SGCD: variants seen among roughly 807,000 people sequenced by gnomAD.
SGCD encodes sarcoglycan delta, also known as delta-sarcoglycan.
In SGCD, 18 loss-of-function variants were observed where a neutral mutation model predicts 36.6. That is an observed-to-expected ratio of 0.49 (90% CI 0.34 to 0.73). The LOEUF (loss-of-function observed/expected upper bound fraction) is 0.73, where lower values mean the gene tolerates loss of function less well. Among genes scored for constraint, SGCD ranks in the 30% least tolerant of loss-of-function variants. The pLI, the probability that SGCD is intolerant of heterozygous loss-of-function variation, is 0.01. For synonymous variants in SGCD, 133 were observed against 130.6 expected (o/e 1.02, Z -0.12); for missense variants, 387 against 346.7 (o/e 1.12, Z -0.92).
Position 156,242,057 on chromosome 5 carries a change from A to T in SGCD, c.-43-87477A>T, listed in dbSNP as rs538610122. Among the ~76,000 whole-genome samples the T allele has an allele frequency of 1.7e-4, 26 of 152,342 alleles. No homozygotes were observed. The South Asian group carries it at 3.5e-3, about 21-fold the overall frequency. ...GGGGGTTCATACAAAAATCCTACTT[A>T]CGAATGTTTATAACAGTTTTGTTCA... On this transcript the variant is annotated intron_variant, in intron 3 of 9. Coordinates refer to the SGCD transcript ENST00000517913.
chr5:155,967,903 G>A (rs1010481090), intron 1 of SGCD, among the ~76,000 whole-genome samples: 3 of 151,818 alleles, frequency 2.0e-5, no homozygotes, highest in Non-Finnish European at 4.4e-5. Flanking sequence ...GAACATCGTC[G>A]GGAGTGATTT....
intron 1 of SGCD, among the ~76,000 whole-genome samples, chr5:155,919,588 T>C (rs1756828787): frequency 1.3e-5 from 2 of 152,210 alleles, no homozygotes; most frequent in Admixed American, 1.3e-4. Flanking sequence ...CGGCTATATT[T>C]TAAAACCTTG....
intron 3 of SGCD, among the ~76,000 whole-genome samples, chr5:156,196,632 G>A (rs1764030778): frequency 6.6e-6 from 1 of 152,212 alleles, no homozygotes; most frequent in Admixed American, 6.5e-5. Flanking sequence ...AGTTGGAGAT[G>A]TGTCTTTGTC....
At position 156,155,735 on chromosome 5, in the gene SGCD, G is replaced by A. The variant is rs1005529791; in HGVS notation, c.-44+31716G>A. On this transcript the variant is annotated intron_variant, in intron 3 of 9. Transcript: ENST00000517913. ...AGCTGATAGAGCCAAGTAGCCCTCC[G>A]TCTTCACAAGATGGAGCTTGTCGAA... Among the ~76,000 whole-genome samples the A allele has an allele frequency of 1.2e-4, 18 of 151,420 alleles. 1 individual carries two copies. Among genetic ancestry groups the A allele is most frequent in the African/African-American group, 3.7e-4 (15 of 40,820 alleles).
At chr5:156,590,406 CG>C (rs1760681316) in intron 5 of SGCD, among the ~76,000 whole-genome samples, 1 of 152,048 alleles carries the variant, frequency 6.6e-6, no homozygotes, top group South Asian at 2.1e-4. Context: ...AACTGCTGCC[CG>C]GCAGAGCCCA....
At chr5:155,869,151 G>A (rs1313924700), upstream of SGCD, among the ~76,000 whole-genome samples, 1 of 152,062 alleles carries the variant, frequency 6.6e-6, no homozygotes, top group African/African-American at 2.4e-5. Flanking sequence ...CAAGGGATCA[G>A]CCATTTAATA....
chr5:156,718,553 G>A (rs1755330250), intron 7 of SGCD, among the ~76,000 whole-genome samples: 1 of 152,048 alleles, frequency 6.6e-6, no homozygotes, highest in Non-Finnish European at 1.5e-5. Context: ...GCCGAGGTGG[G>A]TGGATCACTG....
intron 3 of SGCD, among the ~76,000 whole-genome samples, chr5:156,430,026 A>C (rs1234296136): frequency 6.6e-6 from 1 of 152,094 alleles, no homozygotes; most frequent in Admixed American, 6.5e-5. Flanking sequence ...TTTTGTGATG[A>C]ATTTCCCAAG....
At chr5:156,174,682 G>A (rs1346188153) in intron 3 of SGCD, among the ~76,000 whole-genome samples, 1 of 151,778 alleles carries the variant, frequency 6.6e-6, no homozygotes, top group African/African-American at 2.4e-5. Context: ...ATAAAGTGAG[G>A]GCAATGAGAA....
At chr5:155,944,440 A>G (rs973289165) in intron 1 of SGCD, among the ~76,000 whole-genome samples, 9 of 152,122 alleles carry the variant, frequency 5.9e-5, no homozygotes, top group Non-Finnish European at 1.3e-4. Context: ...CTCAAATTGC[A>G]CTGTTCTCTA....
At chr5:156,545,504 A>G (rs943451384) in intron 4 of SGCD, among the ~76,000 whole-genome samples, 2 of 151,990 alleles carry the variant, frequency 1.3e-5, no homozygotes, top group Non-Finnish European at 2.9e-5. Flanking sequence ...GTAGTTGGGG[A>G]TGGTTTCAGA....
At chr5:156,502,220 G>A (rs1190171110) in intron 3 of SGCD, among the ~76,000 whole-genome samples, 1 of 151,450 alleles carries the variant, frequency 6.6e-6, no homozygotes, top group African/African-American at 2.4e-5. Context: ...CTAATTTTTT[G>A]TATTTTTAGT....
intron 2 of SGCD, among the ~76,000 whole-genome samples, chr5:156,338,960 C>CTG (rs35650818): frequency 0.75 from 114,419 of 151,906 alleles, 44,092 homozygotes; most frequent in African/African-American, 0.92. Flanking sequence ...AGTCTTGACT[C>CTG]TAATGCTATG....
chr5:155,793,671 A>G, the SGCD span, among the ~76,000 whole-genome samples: 3 of 151,580 alleles, frequency 2.0e-5, no homozygotes, highest in East Asian at 3.9e-4. Context: ...CCTCCCTAGT[A>G]GCTGGGACTA....
the SGCD span, among the ~76,000 whole-genome samples, chr5:155,782,637 T>G: frequency 1.3e-5 from 2 of 152,142 alleles, no homozygotes; most frequent in Non-Finnish European, 2.9e-5. Context: ...GACTGTAGAA[T>G]GGCCTGTTAT....
chr5:156,125,598 C>CG (rs1762151759), intron 3 of SGCD, among the ~76,000 whole-genome samples: 1 of 151,566 alleles, frequency 6.6e-6, no homozygotes, highest in African/African-American at 2.4e-5. Flanking sequence ...ATAACTTTGT[C>CG]TTTTTTTTAC....
chr5:156,403,101 G>A (rs1427461204), intron 3 of SGCD, among the ~76,000 whole-genome samples: 4 of 151,978 alleles, frequency 2.6e-5, no homozygotes, highest in East Asian at 1.9e-4. Flanking sequence ...GCCACATTGC[G>A]GCCCCAGGTC....
chr5:156,018,116 C>T (rs1759024302), intron 1 of SGCD, among the ~76,000 whole-genome samples: 1 of 152,148 alleles, frequency 6.6e-6, no homozygotes, highest in African/African-American at 2.4e-5. Context: ...ACCATAATTG[C>T]ACCACTGCAA....
At chr5:155,865,239 A>G in the SGCD span, among the ~76,000 whole-genome samples, 4 of 151,654 alleles carry the variant, frequency 2.6e-5, 1 homozygote, top group South Asian at 8.3e-4. Flanking sequence ...ATGTTAACAA[A>G]GTATATTTTA....
Sources: allele counts gnomAD v4.1 joint callset (sites outside exome capture counted in the v4.1 genomes callset), GRCh38; gene constraint gnomAD v4.1.1; transcripts MANE v1.5; gene names NCBI Gene and HGNC (gene_info 2026-07-23, HGNC 2026-07-21).